The following BTBD9 variants were observed in gnomAD, a reference collection of about 807,000 sequenced individuals.
BTBD9 encodes the protein BTB domain containing 9, also known as BTB/POZ domain-containing protein 9.
Under a neutral mutation model 64.3 loss-of-function variants are expected in BTBD9, and 49 were observed. The observed-to-expected ratio is 0.76, with a 90% CI of 0.61 to 0.97. The LOEUF (loss-of-function observed/expected upper bound fraction) is 0.97, where lower values mean the gene tolerates loss of function less well. Ranked by LOEUF, BTBD9 falls within the 50% of genes least tolerant of loss-of-function variation. The pLI is 0.00. For missense variants in BTBD9, 598 were observed against 762.1 expected, an observed-to-expected ratio of 0.78 and a Z score of 2.53; for synonymous variants, 260 against 274.7, an observed-to-expected ratio of 0.95 and a Z score of 0.53.
At chr6:38,355,309 T>G (rs1188004102) in intron 6 of BTBD9, among the ~76,000 whole-genome samples, 1 of 152,192 alleles carries the variant, frequency 6.6e-6, no homozygotes, top group East Asian at 1.9e-4. Context: ...GTACACTTTA[T>G]GTGTTAGGAG....
chr6:38,177,867 C>T (rs1391259820), intron 10 of BTBD9, among the ~76,000 whole-genome samples: 1 of 152,242 alleles, frequency 6.6e-6, no homozygotes, highest in East Asian at 1.9e-4. Context: ...CAGCCAATCT[C>T]AACTGCTTCT....
chr6:38,363,941 C>G (rs1765082851), intron 6 of BTBD9, among the ~76,000 whole-genome samples: 1 of 152,182 alleles, frequency 6.6e-6, no homozygotes, highest in South Asian at 2.1e-4. Context: ...GTGGGCTCCA[C>G]TTCTCCTGTC....
At chr6:38,207,748 GT>G (rs1456283824) in intron 9 of BTBD9, among the ~76,000 whole-genome samples, 7 of 152,170 alleles carry the variant, frequency 4.6e-5, no homozygotes, top group African/African-American at 1.7e-4. Flanking sequence ...GAAGGAAAAG[GT>G]AGGAGGGAAA....
At chr6:38,300,259 A>G (rs1456533775) in intron 7 of BTBD9, among the ~76,000 whole-genome samples, 1 of 152,184 alleles carries the variant, frequency 6.6e-6, no homozygotes, top group African/African-American at 2.4e-5. Context: ...TGGTTACTGT[A>G]GCCTTGTAGT....
At position 38,422,715 on chromosome 6, in the gene BTBD9, C is replaced by A. The variant is rs142311292; in HGVS notation, c.1155-77622G>T. Among the ~76,000 whole-genome samples the A allele has an allele frequency of 3.9e-5, 6 of 152,288 alleles. No homozygotes were observed. The East Asian group carries it at 1.2e-3, about 29-fold the overall frequency. ...CCATTTAAAAAACTTTCTCAGAGGTCACGATTTGCCTCCCTAATTATTTTA... is the reference window on the plus strand; with the variant it reads ...CCATTTAAAAAACTTTCTCAGAGGTAACGATTTGCCTCCCTAATTATTTTA... On this transcript the variant is annotated intron_variant, in intron 6 of 10. Coordinates refer to ENST00000481247, the MANE Select transcript of BTBD9 (RefSeq NM_001099272.2).
At chr6:38,515,750 C>T (rs995508033) in intron 6 of BTBD9, among the ~76,000 whole-genome samples, 1 of 152,124 alleles carries the variant, frequency 6.6e-6, no homozygotes, top group Non-Finnish European at 1.5e-5. Flanking sequence ...TGGGAGGCCT[C>T]GAGACATAGT....
intron 1 of BTBD9, 23 bp from the exon 2 acceptor site, chr6:38,598,144 G>A (rs1562399724): frequency 1.3e-6 from 2 of 1,558,432 alleles, no homozygotes; most frequent in Non-Finnish European, 1.8e-6. Context: ...GAAGGAATGA[G>A]AGTTAGTTGG....
chr6:38,620,222 CT>C (rs1777938058), intron 1 of BTBD9, among the ~76,000 whole-genome samples: 1 of 152,186 alleles, frequency 6.6e-6, no homozygotes, highest in African/African-American at 2.4e-5. Context: ...AGTGCAAGAT[CT>C]TAGATTCATC....
At chr6:38,619,504 ATGTCCAC>A (rs1777913373) in intron 1 of BTBD9, among the ~76,000 whole-genome samples, 1 of 152,194 alleles carries the variant, frequency 6.6e-6, no homozygotes, top group Non-Finnish European at 1.5e-5. Context: ...CCCCTTGCCC[ATGTCCAC>A]TATGCTGAGG....
intron 4 of BTBD9, among the ~76,000 whole-genome samples, chr6:38,589,288 T>C (rs143652193): frequency 1.1e-4 from 17 of 152,322 alleles, no homozygotes; most frequent in African/African-American, 3.6e-4. Context: ...TACTGACCAG[T>C]TGATCAATTC....
chr6:38,580,202 C>T lies in BTBD9; in HGVS notation c.1034+16G>A, dbSNP rs774026811. ...TCAAACATAATGTCAGTTTCTAAGT[C>T]ATGCTAATCACTTACCGGCTATCTC... On this transcript the variant is annotated intron_variant, in intron 5 of 10. Transcript: ENST00000481247. The T allele has an allele frequency of 1.9e-6, 3 of 1,606,452 alleles. No individual in the cohort carries two copies. The highest frequency in any genetic ancestry group is 2.6e-6 in the Non-Finnish European group (3 of 1,173,490).
chr6:38,209,297 C>T (rs1387930223), intron 9 of BTBD9, among the ~76,000 whole-genome samples: 1 of 152,168 alleles, frequency 6.6e-6, no homozygotes, highest in Non-Finnish European at 1.5e-5. Context: ...GACTCTTGTA[C>T]AGTAATCTCA....
chr6:38,237,498 G>A (rs1170024538), intron 9 of BTBD9, among the ~76,000 whole-genome samples: 9 of 152,100 alleles, frequency 5.9e-5, no homozygotes, highest in African/African-American at 1.9e-4. Flanking sequence ...GGCAGTCCCC[G>A]GTGATCATGG....
At chr6:38,302,808 G>A (rs1309022614) in intron 7 of BTBD9, among the ~76,000 whole-genome samples, 1 of 151,798 alleles carries the variant, frequency 6.6e-6, no homozygotes, top group Non-Finnish European at 1.5e-5. Context: ...GCCTGCATTT[G>A]TTCTTTTTTA....
chr6:38,221,585 G>C (rs959697436), intron 9 of BTBD9, among the ~76,000 whole-genome samples: 6 of 152,224 alleles, frequency 3.9e-5, no homozygotes, highest in Admixed American at 3.9e-4. Flanking sequence ...AACCCAGCTA[G>C]ACTGTGAATG....
intron 1 of BTBD9, among the ~76,000 whole-genome samples, chr6:38,636,543 C>T (rs1416134333): frequency 6.6e-6 from 1 of 152,218 alleles, no homozygotes; most frequent in East Asian, 1.9e-4. Context: ...TGACTTCTCA[C>T]TCTCCCTTAC....
At chr6:38,195,829 T>C (rs544723540) in intron 9 of BTBD9, among the ~76,000 whole-genome samples, 24 of 152,356 alleles carry the variant, frequency 1.6e-4, no homozygotes, top group Non-Finnish European at 2.5e-4. Context: ...TATTAAAACA[T>C]AGATGTCTAT....
In BTBD9 at chr6:38,629,868, T is replaced by C. The variant is rs1010611709; in HGVS notation, c.-28+9932A>G. On this transcript the variant is annotated intron_variant, in intron 1 of 10. Transcript: ENST00000481247. ...AAAACAAAACTGGCCTAAACCCTTA[T>C]ATAATGTCAGTGTTATAAAGACAAG... Among the ~76,000 whole-genome samples the C allele has an allele frequency of 2.0e-5, 3 of 151,774 alleles. No individual in the cohort carries two copies. The East Asian group carries it at 5.8e-4, about 29-fold the overall frequency.
intron 6 of BTBD9, among the ~76,000 whole-genome samples, chr6:38,516,449 C>G (rs1397419571): frequency 6.6e-6 from 1 of 152,184 alleles, no homozygotes; most frequent in Non-Finnish European, 1.5e-5. Context: ...CTGGATGGCA[C>G]AAACTACAGA....
Sources: gnomAD v4.1 joint callset for allele counts (sites outside exome capture counted in the v4.1 genomes callset) on GRCh38, gnomAD v4.1.1 for gene constraint, MANE v1.5 for transcripts, NCBI Gene and HGNC (gene_info 2026-07-23, HGNC 2026-07-21) for gene names.